ATP9A: variants seen among roughly 807,000 people sequenced by gnomAD.
ATP9A encodes ATPase phospholipid transporting 9A, also known as probable phospholipid-transporting ATPase IIA.
ATP9A carries 52 observed loss-of-function variants against 144.1 expected under a neutral mutation model. The observed-to-expected ratio is 0.36, with a 90% CI of 0.29 to 0.45. The LOEUF is 0.45. Ranked by LOEUF, ATP9A falls within the 20% of genes least tolerant of loss-of-function variation. ATP9A has a pLI of 1.00. For synonymous variants in ATP9A, 582 were observed against 557.4 expected, an observed-to-expected ratio of 1.04 and a Z score of -0.62; for missense variants, 947 against 1,392.7, an observed-to-expected ratio of 0.68 and a Z score of 5.09.
chr20:51,739,353 T>C (rs1325729001), intron 1 of ATP9A, among the ~76,000 whole-genome samples: 2 of 148,130 alleles, frequency 1.4e-5, no homozygotes. Context: ...CTCACTCTTT[T>C]TTTTTTTTTT....
intron 14 of ATP9A, among the ~76,000 whole-genome samples, chr20:51,652,206 C>T (rs755676435): frequency 3.9e-5 from 6 of 152,212 alleles, no homozygotes; most frequent in Admixed American, 6.5e-5. Context: ...CCTCCGGGTC[C>T]GACTGTATCT....
intron 18 of ATP9A, among the ~76,000 whole-genome samples, chr20:51,624,659 C>G (rs2077240506): frequency 6.6e-6 from 1 of 152,052 alleles, no homozygotes; most frequent in Non-Finnish European, 1.5e-5. Context: ...CCAGTGGAGT[C>G]AGGGGAGTCA....
chr20:51,738,475 G>A (rs1218259829), intron 1 of ATP9A, among the ~76,000 whole-genome samples: 5 of 151,904 alleles, frequency 3.3e-5, no homozygotes, highest in South Asian at 4.2e-4. Context: ...AGGCCGAGGC[G>A]AGCAGATCAC....
intron 24 of ATP9A, 83 bp downstream of exon 24, chr20:51,610,018 T>C (rs2077178976): frequency 2.3e-6 from 3 of 1,327,116 alleles, no homozygotes; most frequent in African/African-American, 1.5e-5. Flanking sequence ...AACCCAAGAA[T>C]TTTTCCACCA....
intron 22 of ATP9A, among the ~76,000 whole-genome samples, chr20:51,615,820 G>C (rs1466334729): frequency 2.6e-5 from 4 of 152,122 alleles, no homozygotes; most frequent in Admixed American, 6.5e-5. Context: ...ATTTTTAGTA[G>C]AGACGGGGTC....
chr20:51,660,942 G>A (rs185202122), intron 13 of ATP9A, among the ~76,000 whole-genome samples: 30 of 152,308 alleles, frequency 2.0e-4, no homozygotes, highest in Non-Finnish European at 3.2e-4. Flanking sequence ...AAAAACCACT[G>A]GTCCCCTTAT....
At chr20:51,616,410 C>T (rs1190778292) in intron 22 of ATP9A, among the ~76,000 whole-genome samples, 1 of 152,212 alleles carries the variant, frequency 6.6e-6, no homozygotes, top group East Asian at 1.9e-4. Flanking sequence ...CCTCCACCTC[C>T]TGGGTTCAAG....
intron 3 of ATP9A, among the ~76,000 whole-genome samples, chr20:51,716,526 T>C (rs981524703): frequency 4.7e-5 from 7 of 147,904 alleles, no homozygotes; most frequent in Non-Finnish European, 8.9e-5. Context: ...TGGTGGCTCG[T>C]GCTATGGTCC....
Position 51,658,888 on chromosome 20 carries a change from C to CCGGGGGGGGG in ATP9A, c.1294-1739_1294-1738insCCCCCCCCCG, listed in dbSNP as rs796375461. On this transcript the variant is annotated intron_variant, in intron 13 of 27. Transcript: ENST00000338821. ...ATATAATGAAAATTAAGACCACTGG[C>CCGGGGGGGGG]GGGGGGGGGGGGGGGAAGGCTCATT... Among the ~76,000 whole-genome samples, 2 of 54,828 alleles carry CCGGGGGGGGG rather than the reference C, an allele frequency of 3.6e-5. 1 individual carries two copies. Among genetic ancestry groups the CCGGGGGGGGG allele is most frequent in the African/African-American group, 1.7e-4 (2 of 11,888 alleles). The allele number at this position is 54,828 out of a possible 152,430, so 36.0% of individuals were successfully genotyped here. A position where few individuals can be genotyped will look rare whatever the true frequency, so the allele number is the denominator to read the frequency against.
chr20:51,741,055 T>TTTAA lies in ATP9A; in HGVS notation c.69-11081_69-11078dup, dbSNP rs559419299. On this transcript the variant is annotated intron_variant, in intron 1 of 27. Transcript: ENST00000338821. ...TTAATTTAATTAATTAAAAATAAAT[T>TTTAA]TTAATTAATTAATTAAAAATTAAAA... 9.3e-3 allele frequency among the ~76,000 whole-genome samples: 1,413 copies of TTTAA among 151,990 alleles called. 18 individuals carry two copies. Among genetic ancestry groups the TTTAA allele is most frequent in the African/African-American group, 0.032 (1,328 of 41,514 alleles).
At chr20:51,640,195 G>C (rs1221734450) in intron 14 of ATP9A, among the ~76,000 whole-genome samples, 1 of 152,110 alleles carries the variant, frequency 6.6e-6, no homozygotes, top group East Asian at 1.9e-4. Flanking sequence ...AGAAGGAAGA[G>C]AATGCTGACT....
At chr20:51,710,961 G>A (rs751946549) in intron 4 of ATP9A, among the ~76,000 whole-genome samples, 2 of 152,250 alleles carry the variant, frequency 1.3e-5, no homozygotes, top group African/African-American at 2.4e-5. Context: ...CACTCTCTCC[G>A]ATGGGGCTTT....
At chr20:51,693,649 C>T (rs553546364) in intron 7 of ATP9A, among the ~76,000 whole-genome samples, 45 of 152,280 alleles carry the variant, frequency 3.0e-4, no homozygotes, top group African/African-American at 9.9e-4. Flanking sequence ...GCAATCCTCC[C>T]GACTCAGCCT....
At chr20:51,647,220 C>T (rs1182602046) in intron 14 of ATP9A, among the ~76,000 whole-genome samples, 1 of 152,148 alleles carries the variant, frequency 6.6e-6, no homozygotes, top group Non-Finnish European at 1.5e-5. Flanking sequence ...GAAGAAAGAA[C>T]AGCATCATCT....
At chr20:51,652,209 C>T (rs1387972078) in intron 14 of ATP9A, among the ~76,000 whole-genome samples, 2 of 152,240 alleles carry the variant, frequency 1.3e-5, no homozygotes, top group Non-Finnish European at 2.9e-5. Context: ...CCGGGTCCGA[C>T]TGTATCTATT....
intron 3 of ATP9A, among the ~76,000 whole-genome samples, chr20:51,724,693 C>G (rs1487475627): frequency 2.0e-5 from 3 of 152,292 alleles, no homozygotes; most frequent in East Asian, 3.9e-4. Context: ...CCCCAGAACC[C>G]AGCACAGGGC....
At position 51,672,438 on chromosome 20, in the gene ATP9A, G is replaced by A. The variant is rs552867464; in HGVS notation, c.1038-1181C>T. Reference sequence around the variant, plus strand: ...CCAATTTTTAATCATGTTACATGTAGAACTTTGAAGGCTACCACGTCACTT... The same window carrying A: ...CCAATTTTTAATCATGTTACATGTAAAACTTTGAAGGCTACCACGTCACTT... On this transcript the variant is annotated intron_variant, in intron 11 of 27. Transcript: ENST00000338821. Among the ~76,000 whole-genome samples the A allele has an allele frequency of 8.5e-5, 13 of 152,206 alleles. No homozygotes were observed. The East Asian group carries it at 2.5e-3, about 29-fold the overall frequency.
chr20:51,638,113 A>ATATATAT (rs2077302489), intron 15 of ATP9A, among the ~76,000 whole-genome samples: 1 of 100,930 alleles, frequency 9.9e-6, no homozygotes, highest in South Asian at 2.9e-4. Context: ...ATATATATAT[A>ATATATAT]TATATATATA....
chr20:51,671,196 T>C lies in ATP9A; in HGVS notation c.1099A>G (p.Lys367Glu), dbSNP rs769806071. Residue 367 changes from lysine to glutamate, a missense_variant, in exon 12 of 28, where the codon AAA becomes GAA. By Grantham distance (56) the Lys-to-Glu change is moderately conservative. This residue lies in a region of ATP9A where 770 missense variants were observed against 1,047.9 expected (regional missense o/e 0.73). Transcript: ENST00000338821. ...GAGCGAACCACGGTCCCGGGGATTT[T>C]CGAGTCCCTTCGAATCACCCAGCTG... ...VYSWVIRRDS[K>E]IPGTVVRSST... The C allele has an allele frequency of 8.7e-6, 14 of 1,614,132 alleles. No individual in the cohort carries two copies. The highest frequency in any genetic ancestry group is 2.2e-5 in the East Asian group (1 of 44,870).
Sources: allele counts gnomAD v4.1 joint callset (sites outside exome capture counted in the v4.1 genomes callset), GRCh38; gene constraint gnomAD v4.1.1; regional missense constraint gnomAD v4.1.1; transcripts MANE v1.5; gene names NCBI Gene and HGNC (gene_info 2026-07-23, HGNC 2026-07-21).